Variants in NHEJ1 observed in about 807,000 individuals in gnomAD.
NHEJ1 encodes the protein non-homologous end-joining factor 1.
Under a neutral mutation model 39.4 loss-of-function variants are expected in NHEJ1, and 22 were observed. That is an observed-to-expected ratio of 0.56 (90% CI 0.40 to 0.80). The LOEUF (loss-of-function observed/expected upper bound fraction) is 0.80. NHEJ1 is among the 30% of genes least tolerant of loss of function. The pLI, the probability that NHEJ1 is intolerant of heterozygous loss-of-function variation, is 0.00. For missense variants in NHEJ1, 329 were observed against 357.1 expected, an observed-to-expected ratio of 0.92 and a Z score of 0.63; for synonymous variants, 154 against 135.6, an observed-to-expected ratio of 1.14 and a Z score of -0.94.
chr2:219,147,927 C>T (rs1202754262), intron 3 of NHEJ1, 132 bp from the exon 4 acceptor site: 7 of 850,518 alleles, frequency 8.2e-6, no homozygotes, highest in Middle Eastern at 6.6e-4. Flanking sequence ...GCAAGTAACC[C>T]ATTTACATGA....
chr2:219,109,528 C>T (rs907726830), intron 5 of NHEJ1, among the ~76,000 whole-genome samples: 1 of 152,190 alleles, frequency 6.6e-6, no homozygotes, highest in African/African-American at 2.4e-5. Flanking sequence ...AGCCTTCCCC[C>T]TAAAGCCACA....
At chr2:219,138,994 A>G (rs1559200081) in intron 5 of NHEJ1, among the ~76,000 whole-genome samples, 1 of 152,234 alleles carries the variant, frequency 6.6e-6, no homozygotes, top group Non-Finnish European at 1.5e-5. Flanking sequence ...AATAAAAAGA[A>G]TACAGTGAGA....
At chr2:219,137,976 A>G (rs1200319394) in intron 5 of NHEJ1, among the ~76,000 whole-genome samples, 1 of 152,206 alleles carries the variant, frequency 6.6e-6, no homozygotes, top group African/African-American at 2.4e-5. Context: ...GAAAGGATGA[A>G]TTAACTGCAA....
At chr2:219,090,488 G>A (rs978997141) in intron 5 of NHEJ1, among the ~76,000 whole-genome samples, 3 of 152,196 alleles carry the variant, frequency 2.0e-5, no homozygotes, top group African/African-American at 4.8e-5. Context: ...CCAAGGATAT[G>A]CTATAGCATG....
At chr2:219,153,179 A>G (rs1376679956) in intron 3 of NHEJ1, among the ~76,000 whole-genome samples, 3 of 152,210 alleles carry the variant, frequency 2.0e-5, no homozygotes, top group African/African-American at 4.8e-5. Flanking sequence ...GCTAAACATA[A>G]GTAATATTAC....
intron 5 of NHEJ1, among the ~76,000 whole-genome samples, chr2:219,079,304 C>T (rs1949042039): frequency 6.6e-6 from 1 of 152,182 alleles, no homozygotes; most frequent in Non-Finnish European, 1.5e-5. Flanking sequence ...TCCCCAAGAG[C>T]AGCCATGCCA....
intron 5 of NHEJ1, among the ~76,000 whole-genome samples, chr2:219,100,851 T>A (rs1339528816): frequency 6.6e-6 from 1 of 152,160 alleles, no homozygotes; most frequent in Non-Finnish European, 1.5e-5. Flanking sequence ...TCCATTCATA[T>A]TTCTTCCTCT....
chr2:219,126,274 A>G (rs1281271207), intron 5 of NHEJ1, among the ~76,000 whole-genome samples: 2 of 152,236 alleles, frequency 1.3e-5, no homozygotes, highest in Non-Finnish European at 2.9e-5. Flanking sequence ...AAAGCTCTGC[A>G]CTAGAAAGTC....
rs1199718684 is a variant in NHEJ1, at chr2:219,146,727, T to C, written c.541A>G (p.Thr181Ala). ...AAGGAATTTTCTTCAAATGGTTCTG[T>C]CTTCAATCGATCTGTAATAAGAAGG... ...GATLIRDRLK[T>A]EPFEENSFLE... The change falls in exon 5 of 8, where the codon ACA (threonine) becomes GCA (alanine). Residue 181 changes from threonine (T) to alanine (A), a missense_variant. Thr to Ala is a moderately conservative substitution (Grantham distance 58, BLOSUM62 0). Transcript: ENST00000356853. 2.5e-6 allele frequency: 4 copies of C among 1,610,094 alleles called. No individual in the cohort carries two copies. Among genetic ancestry groups the C allele is most frequent in the Non-Finnish European group, 3.4e-6 (4 of 1,176,422 alleles).
At chr2:219,113,647 C>T (rs1949385465) in intron 5 of NHEJ1, among the ~76,000 whole-genome samples, 1 of 152,116 alleles carries the variant, frequency 6.6e-6, no homozygotes, top group Non-Finnish European at 1.5e-5. Context: ...CCTCAGTCCA[C>T]TCTCATTTTT....
At chr2:219,147,203 G>T (rs1457149930) in intron 4 of NHEJ1, among the ~76,000 whole-genome samples, 1 of 152,240 alleles carries the variant, frequency 6.6e-6, no homozygotes, top group East Asian at 1.9e-4. Flanking sequence ...ACCTAGGCCA[G>T]GCACGGTGGC....
chr2:219,078,394 G>A (rs1371245191), intron 5 of NHEJ1, among the ~76,000 whole-genome samples, 188 bp from the exon 6 acceptor site: 3 of 152,160 alleles, frequency 2.0e-5, no homozygotes, highest in Non-Finnish European at 4.4e-5. Flanking sequence ...CTCCTCTGAA[G>A]GGCAACTCCA....
At chr2:219,149,387 T>C (rs1285942659) in intron 3 of NHEJ1, among the ~76,000 whole-genome samples, 2 of 152,006 alleles carry the variant, frequency 1.3e-5, no homozygotes, top group Non-Finnish European at 2.9e-5. Flanking sequence ...AGGCCAACGT[T>C]GGAGGATTGC....
Position 219,157,479 on chromosome 2 carries a change from G to C in NHEJ1, c.383C>G (p.Pro128Arg). Residue 128 changes from proline (P) to arginine (R), a missense_variant, in exon 3 of 8, where the codon CCT becomes CGT. Pro to Arg is a moderately radical substitution (Grantham distance 103, BLOSUM62 -2). Coordinates refer to ENST00000356853, the MANE Select transcript of NHEJ1 (RefSeq NM_024782.3). ...CATTCGAATTACACTTACCAGGGAA[G>C]GACTAGCTAGCATGCAGTGGAAATT... ...YWNFHCMLAS[P>R]SLVSQHLIRP... is the part of the protein sequence containing the mutation. The C allele has an allele frequency of 6.2e-7, 1 of 1,613,544 alleles. No individual in the cohort carries two copies. Among genetic ancestry groups the C allele is most frequent in the Non-Finnish European group, 8.5e-7 (1 of 1,179,882 alleles).
chr2:219,137,570 C>CAAAAAAAAAATAAAAAAAAAAAAAA, intron 5 of NHEJ1, among the ~76,000 whole-genome samples: 1 of 34,716 alleles, frequency 2.9e-5, no homozygotes, highest in Non-Finnish European at 6.2e-5. Flanking sequence ...GTGTTACAGG[C>CAAAAAAAAAATAAAAAAAAAAAAAA]AAAAAAAAAA....
intron 5 of NHEJ1, among the ~76,000 whole-genome samples, chr2:219,115,956 C>A (rs1354394553): frequency 6.6e-6 from 1 of 152,116 alleles, no homozygotes; most frequent in Non-Finnish European, 1.5e-5. Context: ...TCTGCCTCTA[C>A]TAAAAATATA....
chr2:219,145,650 T>G (rs530506702), intron 5 of NHEJ1, among the ~76,000 whole-genome samples: 5 of 152,074 alleles, frequency 3.3e-5, no homozygotes, highest in Admixed American at 3.3e-4. Context: ...AATGGGGCAA[T>G]AGGCCGGGCG....
intron 5 of NHEJ1, among the ~76,000 whole-genome samples, chr2:219,131,668 G>A (rs1179165320): frequency 6.6e-6 from 1 of 152,110 alleles, no homozygotes; most frequent in African/African-American, 2.4e-5. Flanking sequence ...CTGTTCCTCT[G>A]TTAGTACATT....
intron 5 of NHEJ1, among the ~76,000 whole-genome samples, chr2:219,079,537 C>T (rs528686990): frequency 3.3e-5 from 5 of 152,324 alleles, no homozygotes; most frequent in Admixed American, 3.3e-4. Context: ...TACTCCAACC[C>T]TATCCCCACA....
Sources: allele counts gnomAD v4.1 joint callset (sites outside exome capture counted in the v4.1 genomes callset), GRCh38; gene constraint gnomAD v4.1.1; transcripts MANE v1.5; gene names NCBI Gene and HGNC (gene_info 2026-07-23, HGNC 2026-07-21).